CD82: variants seen among roughly 807,000 people sequenced by gnomAD.
The protein encoded by CD82 is CD82 molecule, also known as CD82 antigen.
Under a neutral mutation model 37.4 loss-of-function variants are expected in CD82, and 36 were observed. The ratio of observed to expected loss-of-function variants is 0.96; its 90% CI spans 0.74 to 1.27. CD82 has a LOEUF of 1.27. CD82 is among the 50% of genes most tolerant of loss of function. The pLI is 0.00. For missense variants in CD82, 340 were observed against 347.0 expected, an observed-to-expected ratio of 0.98 and a Z score of 0.16; for synonymous variants, 158 against 137.4, an observed-to-expected ratio of 1.15 and a Z score of -1.05.
Position 44,597,359 on chromosome 11 carries a change from GC to G in CD82, c.63+2635del, listed in dbSNP as rs907123391. 6.5e-5 allele frequency among the ~76,000 whole-genome samples: 8 copies of G among 122,816 alleles called. No individual in the cohort carries two copies. The highest frequency in any genetic ancestry group is 1.2e-4 in the Non-Finnish European group (7 of 57,622). 80.6% of individuals were successfully genotyped at this position (122,816 alleles called of 152,430 possible). A position where few individuals can be genotyped will look rare whatever the true frequency, so the allele number is the denominator to read the frequency against. On this transcript the variant is annotated intron_variant, in intron 3 of 9. Transcript: ENST00000227155. This position sits in a 1 kb window ranked among gnomAD's most constrained non-coding sequence, Gnocchi z 4.1. ...GGTCCCATCTGGGGATTGGGGAAGGGCTGGGGGAGTGATTAACATGGGGCCT... is the reference window on the plus strand; with the variant it reads ...GGTCCCATCTGGGGATTGGGGAAGGGTGGGGGAGTGATTAACATGGGGCCT...
chr11:44,617,480 A>G (rs1853581191), intron 7 of CD82, among the ~76,000 whole-genome samples: 1 of 150,818 alleles, frequency 6.6e-6, no homozygotes, highest in Non-Finnish European at 1.5e-5. Flanking sequence ...AATCGTTTGA[A>G]CCCTGGAGGT....
At chr11:44,612,029 G>T (rs755843663) in intron 6 of CD82, among the ~76,000 whole-genome samples, 2 of 152,186 alleles carry the variant, frequency 1.3e-5, no homozygotes, top group Non-Finnish European at 2.9e-5. Flanking sequence ...GCAGCTTTCC[G>T]CACAGATGCT....
At chr11:44,612,869 G>C (rs1000424495) in intron 6 of CD82, among the ~76,000 whole-genome samples, 7 of 151,988 alleles carry the variant, frequency 4.6e-5, no homozygotes, top group Non-Finnish European at 8.8e-5. Context: ...GATCTCCTGA[G>C]CTCGTAATCT....
In CD82 at chr11:44,597,162, T is replaced by C. The variant is rs2134661009; in HGVS notation, c.63+2437T>C. Among the ~76,000 whole-genome samples, 1 of 152,344 alleles carries C rather than the reference T, an allele frequency of 6.6e-6. No homozygotes were observed. The highest frequency in any genetic ancestry group is 6.5e-5 in the Admixed American group (1 of 15,310). ...GAAAAATCCCCGTGGCTGCTATGTGTGCTCGCGCCTGCGTGCATGTGCACC... is the reference window on the plus strand; with the variant it reads ...GAAAAATCCCCGTGGCTGCTATGTGCGCTCGCGCCTGCGTGCATGTGCACC... On this transcript the variant is annotated intron_variant, in intron 3 of 9. Transcript: ENST00000227155. The surrounding 1 kb of genome is among the most constrained non-coding windows in gnomAD (Gnocchi z 4.1).
At chr11:44,595,489 TA>T (rs57440883) in intron 3 of CD82, among the ~76,000 whole-genome samples, 77,735 of 151,756 alleles carry the variant, frequency 0.51, 20,504 homozygotes, top group East Asian at 0.86. Flanking sequence ...GTTGACGGTT[TA>T]ACCCTATAGT....
At chr11:44,600,478 G>A (rs1853292303) in intron 4 of CD82, among the ~76,000 whole-genome samples, 1 of 152,220 alleles carries the variant, frequency 6.6e-6, no homozygotes, top group Admixed American at 6.5e-5. Flanking sequence ...GGATGAGGGA[G>A]GCTTGTTTTC....
intron 9 of CD82, 86 bp downstream of exon 9, chr11:44,618,809 C>A: frequency 8.5e-7 from 1 of 1,180,110 alleles, no homozygotes; most frequent in Non-Finnish European, 1.2e-6. Flanking sequence ...GAGGTGGTGG[C>A]CAAGGGGGCC....
intron 1 of CD82, among the ~76,000 whole-genome samples, chr11:44,577,863 G>A (rs1852921137): frequency 6.6e-6 from 1 of 152,172 alleles, no homozygotes; most frequent in Admixed American, 6.5e-5. Context: ...CTTGGCCTAA[G>A]GCCTGAACTA....
chr11:44,568,901 C>A (rs1852775556), intron 1 of CD82, among the ~76,000 whole-genome samples: 1 of 152,258 alleles, frequency 6.6e-6, no homozygotes, highest in African/African-American at 2.4e-5. Context: ...CTGGGGCCAG[C>A]TGGCACCCCT....
chr11:44,614,517 G>A (rs543568116), intron 6 of CD82, among the ~76,000 whole-genome samples: 3 of 152,382 alleles, frequency 2.0e-5, no homozygotes, highest in East Asian at 3.9e-4. Context: ...TGTAGTGAGC[G>A]TGCCAGATGT....
At chr11:44,602,183 C>G (rs929731003) in intron 4 of CD82, among the ~76,000 whole-genome samples, 4 of 152,220 alleles carry the variant, frequency 2.6e-5, no homozygotes, top group Non-Finnish European at 5.9e-5. Flanking sequence ...TCTGCAGCCA[C>G]ATGCCACTGG....
intron 1 of CD82, among the ~76,000 whole-genome samples, chr11:44,568,609 C>T (rs1444571022): frequency 6.6e-5 from 10 of 152,264 alleles, no homozygotes; most frequent in Admixed American, 2.0e-4. Context: ...CAGCCATGTG[C>T]TATCTCTGGC....
At chr11:44,600,681 G>A (rs1312631848) in intron 4 of CD82, among the ~76,000 whole-genome samples, 1 of 152,208 alleles carries the variant, frequency 6.6e-6, no homozygotes, top group African/African-American at 2.4e-5. Context: ...ACCTACGTGG[G>A]TCAGGTGTGT....
At position 44,619,353 on chromosome 11, in the gene CD82, G is replaced by C. The variant is rs1298271191; in HGVS notation, c.*227G>C. On this transcript the variant is annotated 3_prime_UTR_variant, in exon 10 of 10. Transcript: ENST00000227155. Reference sequence around the variant, plus strand: ...GTTCCTCTGCTCACCGCCCATCAGGGTTCTCTTAGCAACTCAGAGAAAAAT... The same window carrying C: ...GTTCCTCTGCTCACCGCCCATCAGGCTTCTCTTAGCAACTCAGAGAAAAAT... 4 of 552,178 alleles carry C rather than the reference G, an allele frequency of 7.2e-6. No homozygotes were observed. The African/African-American group carries it at 7.6e-5, about 10-fold the overall frequency. 34.2% of individuals were successfully genotyped at this position (552,178 alleles called of 1,614,324 possible).
intron 1 of CD82, among the ~76,000 whole-genome samples, chr11:44,581,294 G>A (rs577159143): frequency 6.6e-6 from 1 of 152,332 alleles, no homozygotes; most frequent in African/African-American, 2.4e-5. Context: ...AACCAGCAAG[G>A]TGACCTTGGG....
At chr11:44,596,829 A>T in intron 3 of CD82, 1 of 446,990 alleles carries the variant, frequency 2.2e-6, no homozygotes, top group Non-Finnish European at 4.5e-6. Context: ...TGATTGCTAT[A>T]CTTCCGGAGC....
At chr11:44,598,888 C>T (rs966240736) in intron 3 of CD82, among the ~76,000 whole-genome samples, 6 of 152,180 alleles carry the variant, frequency 3.9e-5, no homozygotes, top group Non-Finnish European at 4.4e-5. Context: ...AGTTTCAAGA[C>T]GGGTCATCCA....
intron 6 of CD82, among the ~76,000 whole-genome samples, chr11:44,614,977 A>G (rs558302642): frequency 7.2e-5 from 11 of 152,306 alleles, no homozygotes; most frequent in Admixed American, 6.5e-4. Flanking sequence ...TATGGGGACA[A>G]TGACGGTGGG....
chr11:44,590,950 C>T (rs1490478418), intron 2 of CD82, among the ~76,000 whole-genome samples: 1 of 152,230 alleles, frequency 6.6e-6, no homozygotes, highest in Non-Finnish European at 1.5e-5. Context: ...TGGGATTGCC[C>T]ATCTCCCGCT....
Sources: allele counts gnomAD v4.1 joint callset (sites outside exome capture counted in the v4.1 genomes callset), GRCh38; gene constraint gnomAD v4.1.1; non-coding constraint Gnocchi (gnomAD v3.1); transcripts MANE v1.5; gene names NCBI Gene and HGNC (gene_info 2026-07-23, HGNC 2026-07-21).